The following FUT8 variants were observed in gnomAD, a reference collection of about 807,000 sequenced individuals.
FUT8 encodes the protein alpha-(1,6)-fucosyltransferase.
FUT8 carries 29 observed loss-of-function variants against 71.3 expected under a neutral mutation model. The ratio of observed to expected loss-of-function variants is 0.41; its 90% confidence interval spans 0.30 to 0.55. The LOEUF (loss-of-function observed/expected upper bound fraction) is 0.55, where lower values mean the gene tolerates loss of function less well. Among genes scored for constraint, FUT8 ranks in the 20% least tolerant of loss-of-function variants. The probability of loss-of-function intolerance (pLI) is 0.34; values close to 1 mark genes in which losing one functional copy is unlikely to be tolerated. For synonymous variants in FUT8, 254 were observed against 239.3 expected, an observed-to-expected ratio of 1.06 and a Z score of -0.57; for missense variants, 544 against 702.1, an observed-to-expected ratio of 0.77 and a Z score of 2.55.
At chr14:65,719,431 A>C (rs2898701) in intron 7 of FUT8, among the ~76,000 whole-genome samples, 15,416 of 151,928 alleles carry the variant, frequency 0.1, 995 homozygotes, top group African/African-American at 0.18. Context: ...TCACATATCT[A>C]TGTTTCTTCA....
At chr14:65,616,142 A>G (rs1889272928) in intron 4 of FUT8, 49 bp downstream of exon 4, 1 of 1,594,338 alleles carries the variant, frequency 6.3e-7, no homozygotes, top group African/African-American at 1.4e-5. Flanking sequence ...GGGCTTTAGC[A>G]CAGATAATTG....
chr14:65,458,006 C>G (rs938048199), intron 2 of FUT8: 1 of 151,866 alleles, frequency 6.6e-6, no homozygotes, highest in Non-Finnish European at 1.5e-5. Flanking sequence ...AACGGTGAAA[C>G]CCCGTCTCTA....
chr14:65,677,154 G>GCA (rs1566890511), intron 7 of FUT8, among the ~76,000 whole-genome samples: 2 of 109,334 alleles, frequency 1.8e-5, no homozygotes, highest in African/African-American at 4.5e-5. Flanking sequence ...GTGTGTGTGC[G>GCA]CGCGCGCATG....
rs117086577 is a variant in FUT8, at chr14:65,534,026, G to A, written c.-227-27311G>A. ...TTCAATATGCTTCCGGATTTGTTTC[G>A]CTAGTATTTTGTTGAAGATTTTTGC... On this transcript the variant is annotated intron_variant, in intron 2 of 10. Coordinates refer to ENST00000673929, the MANE Select transcript of FUT8 (RefSeq NM_001371533.1). Among the ~76,000 whole-genome samples, 890 of 152,206 alleles carry A rather than the reference G, an allele frequency of 5.8e-3. 32 individuals carry two copies. The East Asian group carries it at 0.092, about 16-fold the overall frequency.
At chr14:65,485,392 A>G (rs931529624) in intron 2 of FUT8, among the ~76,000 whole-genome samples, 1 of 152,072 alleles carries the variant, frequency 6.6e-6, no homozygotes, top group Non-Finnish European at 1.5e-5. Context: ...TTTAGAGATA[A>G]TTTGAGGCTT....
In FUT8 at chr14:65,569,809, T is replaced by C. The variant is rs112515147; in HGVS notation, c.203+8043T>C. On this transcript the variant is annotated intron_variant, in intron 3 of 10. Transcript: ENST00000673929. ...AGGCACTGTGGAGGCTACAGAGGCTTTTCTCTGTTGGAGATTGGGCTTAAT... is the reference window on the plus strand; with the variant it reads ...AGGCACTGTGGAGGCTACAGAGGCTCTTCTCTGTTGGAGATTGGGCTTAAT... Among the ~76,000 whole-genome samples, 1,425 of 152,134 alleles carry C rather than the reference T, an allele frequency of 9.4e-3. 22 individuals are homozygous for C. Among genetic ancestry groups the C allele is most frequent in the African/African-American group, 0.033 (1,357 of 41,546 alleles).
At chr14:65,535,220 G>A (rs1034599747) in intron 2 of FUT8, among the ~76,000 whole-genome samples, 7 of 151,594 alleles carry the variant, frequency 4.6e-5, no homozygotes, top group Non-Finnish European at 7.4e-5. Context: ...ATGCCTCAGC[G>A]TCATGAGTAG....
intron 2 of FUT8, among the ~76,000 whole-genome samples, chr14:65,490,131 G>A (rs1323847345): frequency 6.6e-6 from 1 of 152,016 alleles, no homozygotes; most frequent in African/African-American, 2.4e-5. Context: ...TACAGCTGCA[G>A]ATTTAGTCAA....
At chr14:65,424,335 A>G (rs376469409) in intron 1 of FUT8, among the ~76,000 whole-genome samples, 2 of 152,164 alleles carry the variant, frequency 1.3e-5, no homozygotes, top group East Asian at 1.9e-4. Flanking sequence ...TTAATACTGC[A>G]TCTTTACTCT....
rs540045009 is a variant in FUT8, at chr14:65,733,184, G to T, written c.1260-47G>T. 5 of 1,246,964 alleles carry T rather than the reference G, an allele frequency of 4.0e-6. No individual in the cohort carries two copies. In the South Asian group the frequency reaches 6.0e-5, roughly 15 times the overall value. 77.2% of individuals were successfully genotyped at this position (1,246,964 alleles called of 1,614,324 possible). A position where few individuals can be genotyped will look rare whatever the true frequency, so the allele number is the denominator to read the frequency against. Reference sequence around the variant, plus strand: ...AAGGAGAAAGTCTGCCTTCTGATAGGATACTGTGATATCTATGACCATCTA... The same window carrying T: ...AAGGAGAAAGTCTGCCTTCTGATAGTATACTGTGATATCTATGACCATCTA... On this transcript the variant is annotated intron_variant, in intron 9 of 10. Coordinates refer to ENST00000673929, the MANE Select transcript of FUT8 (RefSeq NM_001371533.1).
In FUT8 at chr14:65,561,539, A is replaced by G; in HGVS notation, c.-25A>G. 2 of 1,610,232 alleles carry G rather than the reference A, an allele frequency of 1.2e-6. No individual in the cohort carries two copies. Among genetic ancestry groups the G allele is most frequent in the Non-Finnish European group, 1.7e-6 (2 of 1,177,156 alleles). ...TCAATTCTTTGAGCTCCAGGACTCC[A>G]GGGAAGTGAGTTGAAAATCTGAAAA... is the stretch of plus-strand genomic sequence containing the variant. On this transcript the variant is annotated 5_prime_UTR_variant, in exon 3 of 11. Transcript: ENST00000673929.
chr14:65,703,934 G>A (rs1452198099), intron 7 of FUT8, among the ~76,000 whole-genome samples: 3 of 152,154 alleles, frequency 2.0e-5, no homozygotes, highest in Non-Finnish European at 4.4e-5. Flanking sequence ...GAAATCTTAA[G>A]TGTTTTGTTT....
intron 3 of FUT8, among the ~76,000 whole-genome samples, chr14:65,615,409 A>G (rs1487850435): frequency 1.3e-5 from 2 of 151,980 alleles, no homozygotes; most frequent in Non-Finnish European, 1.5e-5. Context: ...ACCTGGCCCA[A>G]TTTTTTTCTA....
chr14:65,492,258 G>A (rs72714459), intron 2 of FUT8, among the ~76,000 whole-genome samples: 3,562 of 152,224 alleles, frequency 0.023, 60 homozygotes, highest in Non-Finnish European at 0.038. Flanking sequence ...AAGTTTAGCC[G>A]AAAGCTGCCT....
In FUT8 at chr14:65,548,944, T is replaced by A. The variant is rs1012755644; in HGVS notation, c.-227-12393T>A. Among the ~76,000 whole-genome samples the A allele has an allele frequency of 2.6e-5, 4 of 152,096 alleles. No individual in the cohort carries two copies. The South Asian group carries it at 8.3e-4, about 32-fold the overall frequency. ...AAAAGATACTTTACCAGAGAAGATA[T>A]ACGGATACAAAATAAGCACATGAAA... On this transcript the variant is annotated intron_variant, in intron 2 of 10. Coordinates refer to ENST00000673929, the MANE Select transcript of FUT8 (RefSeq NM_001371533.1).
Position 65,612,819 on chromosome 14 carries a change from C to T in FUT8, c.204-3159C>T, listed in dbSNP as rs1257472662. 2.6e-5 allele frequency among the ~76,000 whole-genome samples: 4 copies of T among 152,290 alleles called. No homozygotes were observed. The East Asian group carries it at 7.7e-4, about 29-fold the overall frequency. On this transcript the variant is annotated intron_variant, in intron 3 of 10. Coordinates refer to ENST00000673929, the MANE Select transcript of FUT8 (RefSeq NM_001371533.1). ...TTAGATCATTGTTTAATACATCTAA[C>T]CTGGATTTTGAGTTGTTTCAGGCAG...
rs1365725183 is a variant in FUT8 at position 65,616,478 on chromosome 14, C to T, written c.482+105C>T. ...TCTGTTGAGTGGTAAATATTAATAG[C>T]ACCTACAATATTTAAGAGGCGAAGA... On this transcript the variant is annotated intron_variant, in intron 5 of 10. Transcript: ENST00000673929. 25 of 986,038 alleles carry T rather than the reference C, an allele frequency of 2.5e-5. No homozygotes were observed. In the East Asian group the frequency reaches 6.1e-4, roughly 24 times the overall value. The allele number at this position is 986,038 out of a possible 1,614,324, so 61.1% of individuals were successfully genotyped here. A position where few individuals can be genotyped will look rare whatever the true frequency, so the allele number is the denominator to read the frequency against.
the FUT8 span, among the ~76,000 whole-genome samples, chr14:65,369,995 C>A: frequency 6.6e-6 from 1 of 151,850 alleles, no homozygotes; most frequent in Admixed American, 6.6e-5. The surrounding 1 kb of genome is among the most constrained non-coding windows in gnomAD (Gnocchi z 4.6). Flanking sequence ...GACCCCTTTC[C>A]GGTAACAAAG....
intron 3 of FUT8, among the ~76,000 whole-genome samples, chr14:65,597,236 T>A (rs1257461728): frequency 1.3e-5 from 2 of 152,142 alleles, no homozygotes; most frequent in Non-Finnish European, 2.9e-5. Flanking sequence ...ATAGTTTAAA[T>A]CTCTATATTA....
Sources: gnomAD v4.1 joint callset for allele counts (sites outside exome capture counted in the v4.1 genomes callset) on GRCh38, gnomAD v4.1.1 for gene constraint, Gnocchi (gnomAD v3.1) non-coding constraint, MANE v1.5 for transcripts, NCBI Gene and HGNC (gene_info 2026-07-23, HGNC 2026-07-21) for gene names.